Variants in CHCHD6 observed in about 807,000 individuals in gnomAD.
CHCHD6 encodes the protein coiled-coil-helix-coiled-coil-helix domain containing 6, also known as MICOS complex subunit MIC25.
In CHCHD6, 28 loss-of-function variants were observed where a neutral mutation model predicts 32.3. The observed-to-expected ratio is 0.87, with a 90% CI of 0.64 to 1.19. The LOEUF (loss-of-function observed/expected upper bound fraction) is 1.19. Ranked by LOEUF, CHCHD6 falls within the 50% of genes most tolerant of loss-of-function variation. The pLI is 0.00. For synonymous variants in CHCHD6, 122 were observed against 117.5 expected, an observed-to-expected ratio of 1.04 and a Z score of -0.25; for missense variants, 333 against 307.0, an observed-to-expected ratio of 1.08 and a Z score of -0.63.
At chr3:126,748,232 G>A (rs534430593) in intron 4 of CHCHD6, among the ~76,000 whole-genome samples, 76 of 152,276 alleles carry the variant, frequency 5.0e-4, no homozygotes, top group East Asian at 3.9e-3. Flanking sequence ...GCCATAGAGT[G>A]TCTTGGAATC....
chr3:126,777,223 A>T (rs374229146), intron 4 of CHCHD6, among the ~76,000 whole-genome samples: 8,205 of 152,252 alleles, frequency 0.054, 331 homozygotes, highest in South Asian at 0.19. Context: ...CAAGGTATTC[A>T]GACTTCAAAT....
chr3:126,906,759 A>G (rs1430410937), intron 5 of CHCHD6, among the ~76,000 whole-genome samples: 1 of 152,106 alleles, frequency 6.6e-6, no homozygotes, highest in Admixed American at 6.5e-5. Flanking sequence ...GAAGGCAAGG[A>G]CTTCACCTCT....
chr3:126,832,995 G>A (rs1940703295), intron 4 of CHCHD6, among the ~76,000 whole-genome samples: 1 of 152,192 alleles, frequency 6.6e-6, no homozygotes, highest in Admixed American at 6.5e-5. Flanking sequence ...TATTGTGCTA[G>A]ATGCTCCCCA....
At chr3:126,723,006 A>G (rs1935377581) in intron 1 of CHCHD6, among the ~76,000 whole-genome samples, 1 of 152,134 alleles carries the variant, frequency 6.6e-6, no homozygotes, top group African/African-American at 2.4e-5. Context: ...GTGTGCAACT[A>G]TATTATTTTG....
intron 6 of CHCHD6, among the ~76,000 whole-genome samples, chr3:126,939,497 T>TGC (rs1221182419): frequency 6.6e-6 from 1 of 152,210 alleles, no homozygotes; most frequent in African/African-American, 2.4e-5. Context: ...TTTGTGTGTG[T>TGC]GCCTGTGTGT....
intron 4 of CHCHD6, among the ~76,000 whole-genome samples, chr3:126,772,773 A>G (rs1021702181): frequency 6.6e-6 from 1 of 152,116 alleles, no homozygotes; most frequent in East Asian, 1.9e-4. Context: ...ACTTGTCATC[A>G]TGTTATTAGC....
At chr3:126,933,593 C>T (rs1257818525) in intron 6 of CHCHD6, among the ~76,000 whole-genome samples, 1 of 152,100 alleles carries the variant, frequency 6.6e-6, no homozygotes. Context: ...AGAGAGATGC[C>T]AGGCTCTTTT....
intron 4 of CHCHD6, among the ~76,000 whole-genome samples, chr3:126,841,542 G>T (rs966142705): frequency 6.6e-6 from 1 of 152,066 alleles, no homozygotes; most frequent in South Asian, 2.1e-4. Context: ...ATCTTGCAGA[G>T]TTTTGACGAT....
intron 4 of CHCHD6, among the ~76,000 whole-genome samples, chr3:126,833,578 A>G (rs1940728458): frequency 6.6e-6 from 1 of 152,206 alleles, no homozygotes; most frequent in South Asian, 2.1e-4. Context: ...TAGACCTACG[A>G]AAGTCCAGCC....
chr3:126,740,567 G>A (rs956286197), intron 4 of CHCHD6, among the ~76,000 whole-genome samples: 1 of 152,168 alleles, frequency 6.6e-6, no homozygotes, highest in African/African-American at 2.4e-5. Context: ...AGGCCCACAT[G>A]GCTGCTAACG....
At chr3:126,955,606 G>A (rs1025948073) in intron 6 of CHCHD6, among the ~76,000 whole-genome samples, 4 of 152,150 alleles carry the variant, frequency 2.6e-5, no homozygotes, top group African/African-American at 7.2e-5. Context: ...GTCACAGGCG[G>A]CTGCACCCCA....
chr3:126,960,241 C>A lies in CHCHD6; in HGVS notation c.*40C>A, dbSNP rs1186630703. The A allele has an allele frequency of 6.4e-7, 1 of 1,550,758 alleles. No individual in the cohort carries two copies. The highest frequency in any genetic ancestry group is 2.4e-5 in the East Asian group (1 of 40,920). ...TCCCTGCCCTGGCAGTGACTTGGAG[C>A]CCTGAAGAAGGGACCAATCATGGGA... On this transcript the variant is annotated 3_prime_UTR_variant, in exon 8 of 8. Coordinates refer to ENST00000290913, the MANE Select transcript of CHCHD6 (RefSeq NM_032343.3).
chr3:126,896,750 G>T (rs1358490760), intron 5 of CHCHD6, among the ~76,000 whole-genome samples: 5 of 152,188 alleles, frequency 3.3e-5, no homozygotes, highest in Non-Finnish European at 7.3e-5. Context: ...TCAACCTCTG[G>T]AGGGGCAGGA....
intron 7 of CHCHD6, 93 bp from the exon 8 acceptor site, chr3:126,960,103 G>C (rs888501582): frequency 6.8e-7 from 1 of 1,476,148 alleles, no homozygotes; most frequent in South Asian, 1.2e-5. Flanking sequence ...GCTGCTCCCT[G>C]GGAAGCGGTT....
intron 5 of CHCHD6, among the ~76,000 whole-genome samples, chr3:126,890,062 AG>A (rs1449017227): frequency 6.6e-6 from 1 of 152,204 alleles, no homozygotes; most frequent in Admixed American, 6.5e-5. Context: ...GGAGAGGGCC[AG>A]GTGGAGGGAC....
chr3:126,913,961 TC>T (rs2078132533), intron 5 of CHCHD6, among the ~76,000 whole-genome samples: 1 of 152,288 alleles, frequency 6.6e-6, no homozygotes, highest in East Asian at 1.9e-4. Context: ...GCCTGGGCCT[TC>T]CCTCCACAAA....
intron 6 of CHCHD6, among the ~76,000 whole-genome samples, chr3:126,932,870 T>G (rs890070608): frequency 3.3e-5 from 5 of 150,550 alleles, no homozygotes; most frequent in African/African-American, 1.2e-4. Flanking sequence ...CTCTGGATGT[T>G]ATTTAGCAGC....
At chr3:126,953,105 C>T (rs926584110) in intron 6 of CHCHD6, 13 of 985,440 alleles carry the variant, frequency 1.3e-5, no homozygotes, top group Non-Finnish European at 1.6e-5. Flanking sequence ...CTCTCAACAG[C>T]TCTGTGGGGT....
At chr3:126,804,862 G>A (rs1487337112) in intron 4 of CHCHD6, among the ~76,000 whole-genome samples, 1 of 151,886 alleles carries the variant, frequency 6.6e-6, no homozygotes, top group African/African-American at 2.4e-5. Context: ...GTGATCAAGT[G>A]GGCTTCATCC....
Sources: gnomAD v4.1 joint callset for allele counts (sites outside exome capture counted in the v4.1 genomes callset) on GRCh38, gnomAD v4.1.1 for gene constraint, MANE v1.5 for transcripts, NCBI Gene and HGNC (gene_info 2026-07-23, HGNC 2026-07-21) for gene names.